Variants in KRT3 observed in about 807,000 individuals in gnomAD.
KRT3 encodes keratin 3, also known as keratin, type II cytoskeletal 3.
In KRT3, 34 loss-of-function variants were observed where a neutral mutation model predicts 45.8. That is an observed-to-expected ratio of 0.74 (90% confidence interval 0.57 to 0.99). KRT3 has a LOEUF of 0.99. KRT3 is among the 50% of genes least tolerant of loss of function. KRT3 has a pLI of 0.00. For missense variants in KRT3, 828 were observed against 820.6 expected (o/e 1.01, Z -0.11); for synonymous variants, 367 against 329.0 (o/e 1.12, Z -1.25).
chr12:52,796,100 G>A lies in KRT3; in HGVS notation c.-58C>T. The A allele has an allele frequency of 6.3e-7, 1 of 1,575,112 alleles. No individual in the cohort carries two copies. The highest frequency in any genetic ancestry group is 1.1e-5 in the South Asian group (1 of 89,940). On this transcript the variant is annotated 5_prime_UTR_variant, in exon 1 of 9. Coordinates refer to ENST00000417996, the MANE Select transcript of KRT3 (RefSeq NM_057088.3). ...TTAAGCAGGGACACTGAGAGTCAGA[G>A]GAAGAGGGATGGGAAATGAAGACCT...
rs1391820866 is a variant in KRT3, at chr12:52,791,405, T to C, written c.1336A>G (p.Ile446Val). ...KKQNANLQTAIAEAEQHGEMA... is the reference protein window; with the variant it reads ...KKQNANLQTAVAEAEQHGEMA... The stretch of plus-strand genomic sequence containing the variant: ...TCTCCATGCTGCTCGGCCTCGGCAA[T>C]GGCCGTCTGCAGGTTGGCATTCTGG... The change falls in exon 7 of 9, where the codon ATT becomes GTT. Residue 446 changes from isoleucine (I) to valine (V), a missense_variant. By Grantham distance (29) the Ile-to-Val change is conservative. Coordinates refer to ENST00000417996, the MANE Select transcript of KRT3 (RefSeq NM_057088.3). The C allele has an allele frequency of 6.2e-7, 1 of 1,614,168 alleles. No individual in the cohort carries two copies. The highest frequency in any genetic ancestry group is 1.7e-5 in the Admixed American group (1 of 60,028).
intron 1 of KRT3, 68 bp from the exon 2 acceptor site, chr12:52,794,399 G>T: frequency 8.7e-7 from 1 of 1,145,892 alleles, no homozygotes; most frequent in Non-Finnish European, 1.3e-6. Context: ...CCTTCACTCA[G>T]GTAGGACTAG....
chr12:52,794,729 T>A lies in KRT3; in HGVS notation c.646-398A>T, dbSNP rs150343310. Among the ~76,000 whole-genome samples, 340 of 152,196 alleles carry A rather than the reference T, an allele frequency of 2.2e-3. 8 individuals carry two copies. Among genetic ancestry groups the A allele is most frequent in the Admixed American group, 0.02 (312 of 15,292 alleles). On this transcript the variant is annotated intron_variant, in intron 1 of 8. Coordinates refer to ENST00000417996, the MANE Select transcript of KRT3 (RefSeq NM_057088.3). The stretch of plus-strand genomic sequence containing the variant: ...TGCTAGCTCTTCAAAAACAGTGAAG[T>A]GATGCTGGGAAGCTGGGAAGCAACA...
At position 52,791,315 on chromosome 12, in the gene KRT3, C is replaced by T. The variant is rs1213370734; in HGVS notation, c.1426G>A (p.Asp476Asn). ...TCACGTAGCAGCCGCGCCAGGTCATCCTTCGCCTGCTGTAGAGCAGCCTGC... is the reference window on the plus strand; with the variant it reads ...TCACGTAGCAGCCGCGCCAGGTCATTCTTCGCCTGCTGTAGAGCAGCCTGC... ...ELQAALQQAK[D>N]DLARLLRDYQ... Residue 476 changes from aspartate to asparagine, a missense_variant, in exon 7 of 9, where the codon GAT becomes AAT. Transcript: ENST00000417996. The T allele has an allele frequency of 6.2e-7, 1 of 1,614,252 alleles. No homozygotes were observed.
At chr12:52,792,661 G>A in intron 4 of KRT3, 50 bp downstream of exon 4, 2 of 1,368,238 alleles carry the variant, frequency 1.5e-6, no homozygotes, top group Non-Finnish European at 2.1e-6. Flanking sequence ...CCTCAAATCT[G>A]GAAACACCTC....
chr12:52,793,101 T>G, intron 3 of KRT3, 62 bp downstream of exon 3: 1 of 1,371,486 alleles, frequency 7.3e-7, no homozygotes. Flanking sequence ...GTGAGGAGAT[T>G]CCCCCAACCC....
chr12:52,791,657 T>C (rs1435887747), intron 6 of KRT3, 34 bp downstream of exon 6: 1 of 1,613,464 alleles, frequency 6.2e-7, no homozygotes, highest in Non-Finnish European at 8.5e-7. Flanking sequence ...CCCTCAGCAA[T>C]CATCCCAGGT....
At chr12:52,792,437 G>T in intron 4 of KRT3, 34 bp from the exon 5 acceptor site, 2 of 1,608,768 alleles carry the variant, frequency 1.2e-6, no homozygotes, top group Non-Finnish European at 8.5e-7. Context: ...TCACTTTTGG[G>T]GTCCCTGTAA....
At position 52,791,800 on chromosome 12, in the gene KRT3, G is replaced by A; in HGVS notation, c.1205C>T (p.Thr402Ile). ...GTCATCCCCATGCCTGCCAGCCGTG[G>A]TCTGCAGCTCCCCCAACTGCAGAAC... ...LYQTKLGELQ[T>I]TAGRHGDDLR... The change falls in exon 6 of 9, where the codon ACC (threonine) becomes ATC (isoleucine). Residue 402 changes from threonine (T) to isoleucine (I), a missense_variant. Transcript: ENST00000417996. 1 of 1,614,042 alleles carries A rather than the reference G, an allele frequency of 6.2e-7. No homozygotes were observed. Among genetic ancestry groups the A allele is most frequent in the Non-Finnish European group, 8.5e-7 (1 of 1,179,938 alleles).
rs1209932207 is a variant in KRT3 at position 52,791,259 on chromosome 12, G to A, written c.1482C>T (p.Ala494=). 2.5e-6 allele frequency: 4 copies of A among 1,614,132 alleles called. No homozygotes were observed. The African/African-American group carries it at 5.3e-5, about 22-fold the overall frequency. ...GGTAGGTGGCGATCTCCACGTCCAG[G>A]GCCAGCTTGACATTCATCAGCTCCT... is the stretch of plus-strand genomic sequence containing the variant. ...DYQELMNVKL[A]LDVEIATYRK... is the part of the protein sequence containing the mutation. The change falls in exon 7 of 9, where the codon GCC becomes GCT. Residue 494 remains alanine, a synonymous_variant. Coordinates refer to ENST00000417996, the MANE Select transcript of KRT3 (RefSeq NM_057088.3).
At chr12:52,791,547 T>G in intron 6 of KRT3, 121 bp from the exon 7 acceptor site, 1 of 1,421,664 alleles carries the variant, frequency 7.0e-7, no homozygotes, top group South Asian at 1.3e-5. Flanking sequence ...TGCCTCCATC[T>G]TGTCTCCATT....
rs1939445405 is a variant in KRT3, at chr12:52,789,950, G to A, written c.*92C>T. 2 of 1,310,456 alleles carry A rather than the reference G, an allele frequency of 1.5e-6. No homozygotes were observed. The highest frequency in any genetic ancestry group is 2.1e-4 in the Middle Eastern group (1 of 4,842). 81.2% of individuals were successfully genotyped at this position (1,310,456 alleles called of 1,614,324 possible). A position where few individuals can be genotyped will look rare whatever the true frequency, so the allele number is the denominator to read the frequency against. ...TCCAGCGCAGAGCCGCGTTCTTGGGGAGCATGGGGTGGCGCTGGGGGTGTT... is the reference window on the plus strand; with the variant it reads ...TCCAGCGCAGAGCCGCGTTCTTGGGAAGCATGGGGTGGCGCTGGGGGTGTT... On this transcript the variant is annotated 3_prime_UTR_variant, in exon 9 of 9. Coordinates refer to ENST00000417996, the MANE Select transcript of KRT3 (RefSeq NM_057088.3).
In KRT3 at chr12:52,789,891, G is replaced by C. The variant is rs547222330; in HGVS notation, c.*151C>G. The C allele has an allele frequency of 1.0e-5, 8 of 776,498 alleles. No homozygotes were observed. The highest frequency in any genetic ancestry group is 1.0e-4 in the African/African-American group (6 of 58,420). 48.1% of individuals were successfully genotyped at this position (776,498 alleles called of 1,614,324 possible). ...AATTCTCGTGACTGGGCTTGGCCGG[G>C]GATCTGGAAGGAGGAGCAAGAGGCC... On this transcript the variant is annotated 3_prime_UTR_variant, in exon 9 of 9. Coordinates refer to ENST00000417996, the MANE Select transcript of KRT3 (RefSeq NM_057088.3).
chr12:52,792,171 A>G, intron 5 of KRT3, 68 bp downstream of exon 5: 1 of 1,375,176 alleles, frequency 7.3e-7, no homozygotes, highest in South Asian at 1.2e-5. Flanking sequence ...CTCACTACCC[A>G]GCTGTCCAAT....
Position 52,796,028 on chromosome 12 carries a change from G to A in KRT3, c.15C>T (p.Ala5=), listed in dbSNP as rs1939640853. Residue 5 remains alanine, a synonymous_variant, in exon 1 of 9, where the codon GCC becomes GCT. Transcript: ENST00000417996. The stretch of plus-strand genomic sequence containing the variant: ...GGCTCCCGCCACCAGATGTCTTGCT[G>A]GCTTGTCTGCTCATGGTAAGGAGCT... MSRQ[A]SKTSGGGSQG... is the part of the protein sequence containing the mutation. 1.2e-6 allele frequency: 2 copies of A among 1,613,500 alleles called. No homozygotes were observed. Among genetic ancestry groups the A allele is most frequent in the Non-Finnish European group, 1.7e-6 (2 of 1,179,900 alleles).
In KRT3 at chr12:52,791,763, G is replaced by T; in HGVS notation, c.1242C>A (p.Thr414=). Residue 414 remains threonine (T), a synonymous_variant, in exon 6 of 9, where the codon ACC becomes ACA. Transcript: ENST00000417996. ...AGRHGDDLRN[T]KSEIIELNRM... ...TGTTGAGCTCTATGATCTCGCTCTT[G>T]GTATTTCTTAGGTCATCCCCATGCC... 1 of 1,614,008 alleles carries T rather than the reference G, an allele frequency of 6.2e-7. No homozygotes were observed. Among genetic ancestry groups the T allele is most frequent in the Non-Finnish European group, 8.5e-7 (1 of 1,179,948 alleles).
In KRT3 at chr12:52,790,834, T is replaced by C. The variant is rs574326460; in HGVS notation, c.1570+4A>G. ...TCATTTTCTTAGCTACTTTCGGTAC[T>C]TACAGATGCTGACAGCACTCGGACA... is the stretch of plus-strand genomic sequence containing the variant. On this transcript the variant is annotated splice_donor_region_variant and intron_variant, in intron 8 of 8. Transcript: ENST00000417996. The C allele has an allele frequency of 1.3e-6, 2 of 1,593,754 alleles. No individual in the cohort carries two copies. The highest frequency in any genetic ancestry group is 1.7e-6 in the Non-Finnish European group (2 of 1,169,220).
rs200194933 is a variant in KRT3, at chr12:52,791,400, G to T, written c.1341C>A (p.Ala447=). The change falls in exon 7 of 9, where the codon GCC becomes GCA. Residue 447 remains alanine (A), a synonymous_variant. Coordinates refer to ENST00000417996, the MANE Select transcript of KRT3 (RefSeq NM_057088.3). ...KQNANLQTAI[A]EAEQHGEMAL... ...CCATCTCTCCATGCTGCTCGGCCTC[G>T]GCAATGGCCGTCTGCAGGTTGGCAT... 9.3e-6 allele frequency: 15 copies of T among 1,614,194 alleles called. No homozygotes were observed. In the South Asian group the frequency reaches 1.6e-4, roughly 18 times the overall value.
chr12:52,795,875 G>A lies in KRT3; in HGVS notation c.168C>T (p.Ser56=), dbSNP rs780288321. Residue 56 remains serine (S), a synonymous_variant, in exon 1 of 9, where the codon AGC becomes AGT. Transcript: ENST00000417996. ...RSGAGGFGSR[S]LYNLGGNKSI... Reference sequence around the variant, plus strand: ...TCTTGTTGCCGCCCAGGTTGTAGAGGCTGCGACTGCCAAAGCCACCTGCTC... The same window carrying A: ...TCTTGTTGCCGCCCAGGTTGTAGAGACTGCGACTGCCAAAGCCACCTGCTC... 2 of 1,613,882 alleles carry A rather than the reference G, an allele frequency of 1.2e-6. No homozygotes were observed. The highest frequency in any genetic ancestry group is 1.1e-5 in the South Asian group (1 of 91,082).
Sources: allele counts gnomAD v4.1 joint callset (sites outside exome capture counted in the v4.1 genomes callset), GRCh38; gene constraint gnomAD v4.1.1; transcripts MANE v1.5; gene names NCBI Gene and HGNC (gene_info 2026-07-23, HGNC 2026-07-21).